The following TRDN variants were observed in gnomAD, a reference collection of about 807,000 sequenced individuals.
TRDN encodes triadin.
In TRDN, 161 loss-of-function variants were observed where a neutral mutation model predicts 149.7. That is an observed-to-expected ratio of 1.08 (90% CI 0.95 to 1.23). The LOEUF (loss-of-function observed/expected upper bound fraction) is 1.23. Among genes scored for constraint, TRDN ranks in the 50% most tolerant of loss-of-function variants. The pLI is 0.00. For synonymous variants in TRDN, 294 were observed against 250.5 expected (o/e 1.17, Z -1.64); for missense variants, 896 against 823.5 (o/e 1.09, Z -1.08).
intron 5 of TRDN, chr6:123,529,056 GACATC>G: frequency 7.0e-7 from 1 of 1,418,670 alleles, no homozygotes; most frequent in Non-Finnish European, 9.2e-7. Flanking sequence ...CTCGGTCTTT[GACATC>G]AGAATTCTAA....
intron 1 of TRDN, among the ~76,000 whole-genome samples, chr6:123,586,637 G>A (rs1000955458): frequency 5.3e-5 from 8 of 152,108 alleles, no homozygotes; most frequent in Admixed American, 2.0e-4. Flanking sequence ...GGGGTCAAGC[G>A]GCATTGCAGA....
intron 9 of TRDN, among the ~76,000 whole-genome samples, chr6:123,486,868 G>A (rs1045556711): frequency 3.3e-5 from 5 of 151,886 alleles, no homozygotes; most frequent in South Asian, 2.1e-4. Context: ...CCTAAATTCT[G>A]CAGGGACTAC....
At chr6:123,454,439 T>G (rs570399311) in intron 10 of TRDN, among the ~76,000 whole-genome samples, 1 of 152,292 alleles carries the variant, frequency 6.6e-6, no homozygotes, top group East Asian at 1.9e-4. Context: ...CAATAAGAAA[T>G]TATACTATTA....
chr6:123,453,396 A>C (rs889860406), intron 10 of TRDN, among the ~76,000 whole-genome samples: 2 of 152,168 alleles, frequency 1.3e-5, no homozygotes, highest in Non-Finnish European at 2.9e-5. Flanking sequence ...CAACAAACTC[A>C]AACAAGACAG....
chr6:123,395,292 A>AC (rs1210946992), intron 12 of TRDN, among the ~76,000 whole-genome samples: 1 of 152,162 alleles, frequency 6.6e-6, no homozygotes, highest in Non-Finnish European at 1.5e-5. Flanking sequence ...CACGGAGGTC[A>AC]CACACACCTG....
chr6:123,428,250 C>A (rs1296311430), intron 12 of TRDN, among the ~76,000 whole-genome samples: 1 of 152,082 alleles, frequency 6.6e-6, no homozygotes, highest in Non-Finnish European at 1.5e-5. Flanking sequence ...ATTCTTTCAC[C>A]CACACCACAA....
intron 9 of TRDN, among the ~76,000 whole-genome samples, chr6:123,489,913 A>G (rs1778138847): frequency 6.6e-6 from 1 of 151,962 alleles, no homozygotes; most frequent in Non-Finnish European, 1.5e-5. Flanking sequence ...TTTACAGCCT[A>G]CTTTGTTTCA....
intron 31 of TRDN, among the ~76,000 whole-genome samples, chr6:123,269,122 A>G (rs1362787835): frequency 1.3e-5 from 2 of 151,992 alleles, no homozygotes; most frequent in African/African-American, 4.8e-5. Context: ...TCAACGACCA[A>G]CATCACAATT....
At chr6:123,415,587 T>A (rs1468857386) in intron 12 of TRDN, among the ~76,000 whole-genome samples, 1 of 152,186 alleles carries the variant, frequency 6.6e-6, no homozygotes, top group Non-Finnish European at 1.5e-5. Context: ...GCAAACACTA[T>A]ATAAAAATAG....
intron 24 of TRDN, among the ~76,000 whole-genome samples, chr6:123,299,508 T>C (rs1228200968): frequency 6.6e-6 from 1 of 152,018 alleles, no homozygotes; most frequent in Admixed American, 6.6e-5. Flanking sequence ...TTTCTTAAGA[T>C]GTTTTGGGTT....
intron 35 of TRDN, among the ~76,000 whole-genome samples, chr6:123,258,071 C>A (rs1300007363): frequency 6.6e-6 from 1 of 152,180 alleles, no homozygotes; most frequent in African/African-American, 2.4e-5. Context: ...ACAATCATGT[C>A]ATCTGCAAAC....
intron 12 of TRDN, among the ~76,000 whole-genome samples, chr6:123,394,678 T>C (rs1003482985): frequency 3.3e-5 from 5 of 152,146 alleles, no homozygotes; most frequent in South Asian, 4.1e-4. Flanking sequence ...TTACCTCTTG[T>C]TGGTAAGATA....
At chr6:123,577,821 T>C (rs1782932331) in intron 1 of TRDN, among the ~76,000 whole-genome samples, 1 of 152,218 alleles carries the variant, frequency 6.6e-6, no homozygotes, top group Non-Finnish European at 1.5e-5. Context: ...TTTTTAATGA[T>C]AGCCATTCTG....
At chr6:123,600,651 C>T (rs1249486083) in intron 1 of TRDN, among the ~76,000 whole-genome samples, 1 of 151,966 alleles carries the variant, frequency 6.6e-6, no homozygotes, top group South Asian at 2.1e-4. Context: ...TAGAGACACA[C>T]GGGGATATGA....
chr6:123,424,590 G>T (rs568485194), intron 12 of TRDN, among the ~76,000 whole-genome samples: 25 of 151,996 alleles, frequency 1.6e-4, no homozygotes, highest in Admixed American at 1.4e-3. Flanking sequence ...AAATTAAATT[G>T]TGCATATACT....
chr6:123,265,189 G>A (rs371459411), intron 33 of TRDN, 129 bp downstream of exon 33: 1 of 651,512 alleles, frequency 1.5e-6, no homozygotes, highest in Non-Finnish European at 2.4e-6. Context: ...TCACTTATAT[G>A]GTAATAGTAT....
At chr6:123,422,109 A>T (rs996206337) in intron 12 of TRDN, among the ~76,000 whole-genome samples, 1 of 152,210 alleles carries the variant, frequency 6.6e-6, no homozygotes, top group Non-Finnish European at 1.5e-5. Flanking sequence ...TCTAAAGATA[A>T]TTTAAAACAT....
intron 1 of TRDN, among the ~76,000 whole-genome samples, chr6:123,605,583 C>T (rs999804993): frequency 2.9e-5 from 4 of 138,558 alleles, no homozygotes; most frequent in East Asian, 2.3e-4. Context: ...GGCAATATGG[C>T]GAAACCCTCT....
chr6:123,465,612 AG>A lies in TRDN; in HGVS notation c.854-630del, dbSNP rs1279278506. Reference sequence around the variant, plus strand: ...AAAAAAAAAAAAAAAAAAGAGAGAGAGAGAGAAAGAAAGAAAACCCACAATC... The same window carrying A: ...AAAAAAAAAAAAAAAAAAGAGAGAGAAGAGAAAGAAAGAAAACCCACAATC... On this transcript the variant is annotated intron_variant, in intron 9 of 40. Transcript: ENST00000334268. Among the ~76,000 whole-genome samples, 16 of 148,088 alleles carry A rather than the reference AG, an allele frequency of 1.1e-4. No homozygotes were observed. In the East Asian group the frequency reaches 3.2e-3, roughly 30 times the overall value.
Sources: gnomAD v4.1 joint callset for allele counts (sites outside exome capture counted in the v4.1 genomes callset) on GRCh38, gnomAD v4.1.1 for gene constraint, MANE v1.5 for transcripts, NCBI Gene and HGNC (gene_info 2026-07-23, HGNC 2026-07-21) for gene names.